NCKAP5: variants seen among roughly 807,000 people sequenced by gnomAD.
NCKAP5 encodes nck-associated protein 5.
In NCKAP5, 92 loss-of-function variants were observed where a neutral mutation model predicts 167.0. That is an observed-to-expected ratio of 0.55 (90% CI 0.47 to 0.66). The LOEUF is 0.66. Ranked by LOEUF, NCKAP5 falls within the 30% of genes least tolerant of loss-of-function variation. The pLI, the probability that NCKAP5 is intolerant of heterozygous loss-of-function variation, is 0.00. For missense variants in NCKAP5, 2,378 were observed against 2,315.0 expected, an observed-to-expected ratio of 1.03 and a Z score of -0.56; for synonymous variants, 891 against 877.4, an observed-to-expected ratio of 1.02 and a Z score of -0.27.
At chr2:133,337,794 G>T (rs1683312358) in intron 3 of NCKAP5, among the ~76,000 whole-genome samples, 1 of 152,322 alleles carries the variant, frequency 6.6e-6, no homozygotes, top group Admixed American at 6.5e-5. Context: ...AAGCCACTCA[G>T]TCTGTGGTAT....
chr2:132,939,052 G>A (rs970331572), intron 8 of NCKAP5, among the ~76,000 whole-genome samples: 3 of 152,048 alleles, frequency 2.0e-5, no homozygotes, highest in Non-Finnish European at 2.9e-5. Context: ...TGAAACCATC[G>A]TGTCTTCCAA....
At chr2:133,430,130 T>A (rs1462030642) in intron 3 of NCKAP5, among the ~76,000 whole-genome samples, 1 of 152,162 alleles carries the variant, frequency 6.6e-6, no homozygotes, top group Non-Finnish European at 1.5e-5. Context: ...TTTTGAGAAA[T>A]AACTGTTCAT....
chr2:133,564,263 C>A (rs566465194), intron 1 of NCKAP5, among the ~76,000 whole-genome samples: 44 of 152,186 alleles, frequency 2.9e-4, no homozygotes, highest in Non-Finnish European at 5.3e-4. Context: ...ATACAATGAT[C>A]ATAATAAGAT....
intron 11 of NCKAP5, among the ~76,000 whole-genome samples, chr2:132,839,754 TC>T (rs1574385533): frequency 1.1e-5 from 1 of 90,178 alleles, no homozygotes; most frequent in East Asian, 3.0e-4. Context: ...TGAGACCTTG[TC>T]TCAAAAAAAA....
chr2:133,299,912 T>A (rs542339886), intron 4 of NCKAP5, among the ~76,000 whole-genome samples: 1 of 151,202 alleles, frequency 6.6e-6, no homozygotes, highest in South Asian at 2.1e-4. Flanking sequence ...GAGAGAAGAA[T>A]CAAATAGACA....
chr2:133,613,091 T>G, the NCKAP5 span, among the ~76,000 whole-genome samples: 1 of 152,172 alleles, frequency 6.6e-6, no homozygotes, highest in Non-Finnish European at 1.5e-5. Flanking sequence ...CTGCTGCCAT[T>G]CCAACCCTTA....
rs549873322 is a variant in NCKAP5 at position 133,064,846 on chromosome 2, T to C, written c.341+65132A>G. Among the ~76,000 whole-genome samples the C allele has an allele frequency of 2.6e-5, 4 of 152,336 alleles. No homozygotes were observed. The East Asian group carries it at 7.7e-4, about 29-fold the overall frequency. On this transcript the variant is annotated intron_variant, in intron 6 of 19. Coordinates refer to ENST00000409261, the MANE Select transcript of NCKAP5 (RefSeq NM_207363.3). ...TTAGTAACCACATTCATATAATTTG[T>C]TTTTTCATTTAAAATTCCACTGGAA...
intron 11 of NCKAP5, among the ~76,000 whole-genome samples, chr2:132,833,857 C>G (rs1416251015): frequency 6.6e-6 from 1 of 151,988 alleles, no homozygotes; most frequent in Admixed American, 6.6e-5. Flanking sequence ...TTTTTCATTC[C>G]ATATGAATGT....
intron 5 of NCKAP5, among the ~76,000 whole-genome samples, chr2:133,182,390 A>T (rs1245612650): frequency 6.6e-6 from 1 of 152,234 alleles, no homozygotes; most frequent in Admixed American, 6.5e-5. Context: ...GAGCCATAAA[A>T]AACTCAGCAA....
intron 6 of NCKAP5, among the ~76,000 whole-genome samples, chr2:133,052,295 G>A (rs750861614): frequency 4.6e-5 from 7 of 152,266 alleles, no homozygotes; most frequent in African/African-American, 1.4e-4. Context: ...GAGCTAGTCC[G>A]CAGCTACCAA....
intron 3 of NCKAP5, among the ~76,000 whole-genome samples, chr2:133,445,433 T>C (rs1280882444): frequency 6.6e-6 from 1 of 152,240 alleles, no homozygotes; most frequent in Non-Finnish European, 1.5e-5. Flanking sequence ...ACACAGTTAT[T>C]ATTGCTATCA....
At chr2:132,770,395 G>A (rs965784449) in intron 16 of NCKAP5, among the ~76,000 whole-genome samples, 2 of 147,178 alleles carry the variant, frequency 1.4e-5, no homozygotes, top group South Asian at 2.1e-4. Context: ...ATTATAAATT[G>A]TATATATTAT....
intron 5 of NCKAP5, among the ~76,000 whole-genome samples, chr2:133,184,105 G>C (rs902109909): frequency 6.6e-6 from 1 of 151,884 alleles, no homozygotes; most frequent in Admixed American, 6.6e-5. Flanking sequence ...TAGTTTGTTA[G>C]CCCACTCACC....
At chr2:133,030,647 T>A (rs1218015375) in intron 6 of NCKAP5, among the ~76,000 whole-genome samples, 1 of 152,176 alleles carries the variant, frequency 6.6e-6, no homozygotes, top group Non-Finnish European at 1.5e-5. Flanking sequence ...AAAAACTAAG[T>A]TATTGCAAAT....
chr2:132,871,989 T>C (rs939159233), intron 9 of NCKAP5, among the ~76,000 whole-genome samples: 5 of 152,208 alleles, frequency 3.3e-5, no homozygotes, highest in African/African-American at 1.2e-4. Flanking sequence ...GCCCTCAAGC[T>C]AACATTATGC....
intron 2 of NCKAP5, among the ~76,000 whole-genome samples, chr2:133,530,660 G>T (rs1685289855): frequency 6.6e-6 from 1 of 152,092 alleles, no homozygotes; most frequent in African/African-American, 2.4e-5. Context: ...CTTAAGGATG[G>T]TGCTCATTTC....
In NCKAP5 at chr2:132,878,992, A is replaced by T. The variant is rs1691541087; in HGVS notation, c.580-76T>A. On this transcript the variant is annotated intron_variant, in intron 8 of 19. Transcript: ENST00000409261. ...ATGTGACAACTTATTCCATACAGTTACTAAATATATCTCCTCGTGATCCAA... is the reference window on the plus strand; with the variant it reads ...ATGTGACAACTTATTCCATACAGTTTCTAAATATATCTCCTCGTGATCCAA... 6.3e-6 allele frequency: 7 copies of T among 1,118,696 alleles called. No individual in the cohort carries two copies. The East Asian group carries it at 1.6e-4, about 26-fold the overall frequency. 69.3% of individuals were successfully genotyped at this position (1,118,696 alleles called of 1,614,324 possible). A position where few individuals can be genotyped will look rare whatever the true frequency, so the allele number is the denominator to read the frequency against.
chr2:132,945,232 A>G (rs1413842578), intron 8 of NCKAP5, among the ~76,000 whole-genome samples: 2 of 151,312 alleles, frequency 1.3e-5, no homozygotes, highest in Admixed American at 6.6e-5. Context: ...ATTTCTTTCC[A>G]TAGTCCCACT....
Position 132,794,307 on chromosome 2 carries a change from G to GGT in NCKAP5, c.909+2320_909+2321insAC, listed in dbSNP as rs1684387402. On this transcript the variant is annotated intron_variant, in intron 12 of 19. Coordinates refer to ENST00000409261, the MANE Select transcript of NCKAP5 (RefSeq NM_207363.3). ...AGAGAGAGAGAGAGAGAGAGAGAGA[G>GGT]GGTGGCGGGAAGAGAGAGAGAAAGA... 1.3e-3 allele frequency among the ~76,000 whole-genome samples: 133 copies of GGT among 101,130 alleles called. 4 individuals carry two copies. The highest frequency in any genetic ancestry group is 3.5e-3 in the African/African-American group (94 of 26,858). 66.3% of individuals were successfully genotyped at this position (101,130 alleles called of 152,430 possible).
Sources: gnomAD v4.1 joint callset for allele counts (sites outside exome capture counted in the v4.1 genomes callset) on GRCh38, gnomAD v4.1.1 for gene constraint, MANE v1.5 for transcripts, NCBI Gene and HGNC (gene_info 2026-07-23, HGNC 2026-07-21) for gene names.